ERP44: variants seen among roughly 807,000 people sequenced by gnomAD.
The protein encoded by ERP44 is endoplasmic reticulum protein 44.
A neutral mutation model predicts 53.4 loss-of-function variants in ERP44; 25 were observed. The ratio of observed to expected loss-of-function variants is 0.47; its 90% CI spans 0.34 to 0.65. ERP44 has a LOEUF of 0.65. Among genes scored for constraint, ERP44 ranks in the 30% least tolerant of loss-of-function variants. The probability of loss-of-function intolerance (pLI) is 0.01; values close to 1 mark genes in which losing one functional copy is unlikely to be tolerated. For missense variants in ERP44, 338 were observed against 493.2 expected, an observed-to-expected ratio of 0.69 and a Z score of 2.98; for synonymous variants, 145 against 161.2, an observed-to-expected ratio of 0.90 and a Z score of 0.76.
intron 8 of ERP44, among the ~76,000 whole-genome samples, chr9:100,009,941 CT>C: frequency 2.1e-5 from 1 of 47,170 alleles, no homozygotes. Context: ...AAGGAAAATT[CT>C]TTTTTCTAAA....
intron 11 of ERP44, among the ~76,000 whole-genome samples, chr9:99,983,003 G>C (rs2118594093): frequency 6.6e-6 from 1 of 152,268 alleles, no homozygotes; most frequent in Non-Finnish European, 1.5e-5. Flanking sequence ...ACACCTGGGT[G>C]CTTTCCTAGA....
At chr9:100,094,070 A>G (rs1410084910) in intron 1 of ERP44, among the ~76,000 whole-genome samples, 1 of 152,254 alleles carries the variant, frequency 6.6e-6, no homozygotes, top group Non-Finnish European at 1.5e-5. Flanking sequence ...AAATTACGTA[A>G]GCACAAGCTA....
At chr9:100,092,701 A>G (rs939411490) in intron 1 of ERP44, among the ~76,000 whole-genome samples, 2 of 152,230 alleles carry the variant, frequency 1.3e-5, no homozygotes, top group African/African-American at 4.8e-5. Context: ...ACATAACAAG[A>G]ACCCATAATA....
At chr9:99,994,491 G>A (rs541643364) in intron 10 of ERP44, among the ~76,000 whole-genome samples, 16 of 152,202 alleles carry the variant, frequency 1.1e-4, no homozygotes, top group East Asian at 1.9e-4. Context: ...ATCACACACC[G>A]GGGCCTGGTG....
intron 4 of ERP44, among the ~76,000 whole-genome samples, chr9:100,043,258 C>CAAAAAAAAAAAAAA (rs56066117): frequency 2.0e-4 from 4 of 20,272 alleles, no homozygotes; most frequent in African/African-American, 2.5e-4. Context: ...GACTCTGTCT[C>CAAAAAAAAAAAAAA]AAAAAAAAAA....
At chr9:100,029,837 C>T (rs547881611) in intron 4 of ERP44, among the ~76,000 whole-genome samples, 185 of 152,248 alleles carry the variant, frequency 1.2e-3, no homozygotes, top group Middle Eastern at 6.8e-3. Flanking sequence ...TGCCTGTAAT[C>T]CCAGCACTTT....
chr9:100,051,017 A>T (rs897391966), intron 4 of ERP44, among the ~76,000 whole-genome samples: 13 of 152,214 alleles, frequency 8.5e-5, no homozygotes, highest in African/African-American at 2.9e-4. Flanking sequence ...CACCAAAAAC[A>T]TCATGTTCTC....
chr9:99,998,995 T>C (rs1286123933), intron 10 of ERP44: 1 of 1,262,862 alleles, frequency 7.9e-7, no homozygotes, highest in Non-Finnish European at 1.2e-6. Flanking sequence ...GGCAAAGAAC[T>C]GGAAGTAGTC....
chr9:100,030,247 A>G (rs931693916), intron 4 of ERP44, among the ~76,000 whole-genome samples: 1 of 152,168 alleles, frequency 6.6e-6, no homozygotes, highest in African/African-American at 2.4e-5. Flanking sequence ...TTGAGATCCA[A>G]GAATCTTCTC....
chr9:100,048,070 A>G (rs1051712386), intron 4 of ERP44, among the ~76,000 whole-genome samples: 4 of 152,126 alleles, frequency 2.6e-5, no homozygotes, highest in African/African-American at 9.7e-5. Context: ...TGCTATAAAC[A>G]AACAAACGAA....
intron 1 of ERP44, among the ~76,000 whole-genome samples, chr9:100,072,161 G>A (rs1826312863): frequency 6.6e-6 from 1 of 152,158 alleles, no homozygotes; most frequent in Admixed American, 6.6e-5. Context: ...CCCAGTGACA[G>A]TCTCAAAGCT....
chr9:100,045,073 G>A (rs1294915234), intron 4 of ERP44, among the ~76,000 whole-genome samples: 2 of 152,054 alleles, frequency 1.3e-5, no homozygotes. Context: ...GCAACCTTGG[G>A]AAATAACTTA....
chr9:99,994,879 T>C (rs1830294797), intron 10 of ERP44, among the ~76,000 whole-genome samples: 1 of 152,236 alleles, frequency 6.6e-6, no homozygotes, highest in African/African-American at 2.4e-5. Flanking sequence ...AATCTGGTTG[T>C]CTATATCTAC....
chr9:99,982,826 C>A (rs1383614027), intron 11 of ERP44, 113 bp from the exon 12 acceptor site: 3 of 495,196 alleles, frequency 6.1e-6, no homozygotes, highest in Non-Finnish European at 6.7e-6. Context: ...GCTTATTAAT[C>A]AATAAAAGCA....
chr9:99,998,513 C>G, intron 10 of ERP44: 1 of 716,758 alleles, frequency 1.4e-6, no homozygotes, highest in Admixed American at 2.0e-5. Context: ...CCCGCTGTCC[C>G]GGCTCCCCCA....
At chr9:99,998,911 G>T in intron 10 of ERP44, 2 of 1,595,684 alleles carry the variant, frequency 1.3e-6, no homozygotes, top group Non-Finnish European at 1.7e-6. Context: ...GCAGTCTCAG[G>T]GTTGGCACTG....
chr9:100,018,172 T>C lies in ERP44; in HGVS notation c.645+84A>G, dbSNP rs1830543687. On this transcript the variant is annotated intron_variant, in intron 7 of 11. Transcript: ENST00000262455. ...TCAATTCTAAAGTTCTATTAGTCTA[T>C]GAACATTAACACATATAAAACTACA... The C allele has an allele frequency of 4.6e-6, 4 of 874,634 alleles. No individual in the cohort carries two copies. The East Asian group carries it at 7.2e-5, about 16-fold the overall frequency. 54.2% of individuals were successfully genotyped at this position (874,634 alleles called of 1,614,324 possible). A position where few individuals can be genotyped will look rare whatever the true frequency, so the allele number is the denominator to read the frequency against.
At chr9:100,048,974 T>C (rs1448056181) in intron 4 of ERP44, among the ~76,000 whole-genome samples, 1 of 152,192 alleles carries the variant, frequency 6.6e-6, no homozygotes, top group Non-Finnish European at 1.5e-5. Context: ...CAGTATTAAA[T>C]TGTACAATTT....
At chr9:100,031,819 T>TAGAGGTTTTTGAATGAA (rs1825793742) in intron 4 of ERP44, among the ~76,000 whole-genome samples, 4 of 152,188 alleles carry the variant, frequency 2.6e-5, no homozygotes, top group African/African-American at 9.7e-5. Context: ...TCTGTTTTCC[T>TAGAGGTTTTTGAATGAA]CATGAAACCC....
Sources: allele counts gnomAD v4.1 joint callset (sites outside exome capture counted in the v4.1 genomes callset), GRCh38; gene constraint gnomAD v4.1.1; transcripts MANE v1.5; gene names NCBI Gene and HGNC (gene_info 2026-07-23, HGNC 2026-07-21).